The following CCDC102B variants were observed in gnomAD, a reference collection of about 807,000 sequenced individuals.
CCDC102B encodes the protein coiled-coil domain-containing protein 102B.
Under a neutral mutation model 57.4 loss-of-function variants are expected in CCDC102B, and 75 were observed. The ratio of observed to expected loss-of-function variants is 1.31; its 90% CI spans 1.08 to 1.58. The LOEUF (loss-of-function observed/expected upper bound fraction) is 1.58, where lower values mean the gene tolerates loss of function less well. Among genes scored for constraint, CCDC102B ranks in the 40% most tolerant of loss-of-function variants. The pLI, the probability that CCDC102B is intolerant of heterozygous loss-of-function variation, is 0.00. For synonymous variants in CCDC102B, 206 were observed against 201.9 expected, an observed-to-expected ratio of 1.02 and a Z score of -0.17; for missense variants, 636 against 582.6, an observed-to-expected ratio of 1.09 and a Z score of -0.94.
At chr18:68,826,905 A>G (rs1444990383) in intron 1 of CCDC102B, among the ~76,000 whole-genome samples, 1 of 152,188 alleles carries the variant, frequency 6.6e-6, no homozygotes, top group African/African-American at 2.4e-5. Flanking sequence ...TATATGCCAT[A>G]GTATTTACAT....
Position 69,054,846 on chromosome 18 carries a change from T to C in CCDC102B, c.*709T>C, listed in dbSNP as rs1276162058. 3 of 985,190 alleles carry C rather than the reference T, an allele frequency of 3.0e-6. No homozygotes were observed. The highest frequency in any genetic ancestry group is 3.6e-6 in the Non-Finnish European group (3 of 829,898). The allele number at this position is 985,190 out of a possible 1,614,324, so 61.0% of individuals were successfully genotyped here. ...ATGGAAAGGCATCAGCATTGCAAAG[T>C]AGCATCTAGGTAGAAATCAGGCCAA... On this transcript the variant is annotated 3_prime_UTR_variant, in exon 8 of 8. Coordinates refer to ENST00000360242, the MANE Select transcript of CCDC102B (RefSeq NM_024781.3).
intron 6 of CCDC102B, among the ~76,000 whole-genome samples, chr18:68,941,242 A>G (rs781762716): frequency 1.4e-5 from 2 of 137,942 alleles, no homozygotes; most frequent in Non-Finnish European, 3.2e-5. Flanking sequence ...AAAGAAATTT[A>G]TAACTATGGT....
intron 2 of CCDC102B, among the ~76,000 whole-genome samples, chr18:68,726,175 G>A (rs1474528766): frequency 3.9e-5 from 6 of 152,150 alleles, no homozygotes; most frequent in Non-Finnish European, 8.8e-5. Flanking sequence ...TAATTGGTAT[G>A]GATAGAATAA....
intron 6 of CCDC102B, among the ~76,000 whole-genome samples, chr18:68,911,580 G>A (rs890851248): frequency 1.7e-4 from 26 of 149,328 alleles, no homozygotes; most frequent in Admixed American, 3.3e-4. Context: ...GTGAAACCCC[G>A]TCTCTACTAA....
At chr18:68,890,626 T>C (rs1466532735) in intron 5 of CCDC102B, among the ~76,000 whole-genome samples, 1 of 152,216 alleles carries the variant, frequency 6.6e-6, no homozygotes, top group Non-Finnish European at 1.5e-5. Flanking sequence ...AAAGTTCTTA[T>C]GTCCCTTCCT....
intron 7 of CCDC102B, among the ~76,000 whole-genome samples, chr18:69,045,087 C>A (rs2052526777): frequency 6.6e-6 from 1 of 152,066 alleles, no homozygotes; most frequent in Non-Finnish European, 1.5e-5. Flanking sequence ...CCCACTCTTA[C>A]AACTTCATTT....
chr18:69,056,545 C>G (rs1470351408), downstream of CCDC102B, among the ~76,000 whole-genome samples: 1 of 151,716 alleles, frequency 6.6e-6, no homozygotes, highest in Non-Finnish European at 1.5e-5. Flanking sequence ...AATAAATGAC[C>G]TTTTTGCCTT....
chr18:68,896,960 T>C (rs1375735992), intron 5 of CCDC102B, among the ~76,000 whole-genome samples: 2 of 152,118 alleles, frequency 1.3e-5, no homozygotes, highest in Non-Finnish European at 2.9e-5. Flanking sequence ...ACTTGACACA[T>C]ATATTTGAAA....
At chr18:68,838,444 G>A (rs1167788900) in intron 2 of CCDC102B, 18 of 985,054 alleles carry the variant, frequency 1.8e-5, no homozygotes, top group South Asian at 4.7e-5. Context: ...TTTTAGCTGC[G>A]ATTAGAAAAA....
At chr18:68,820,612 C>G (rs2036655416) in intron 1 of CCDC102B, among the ~76,000 whole-genome samples, 1 of 152,026 alleles carries the variant, frequency 6.6e-6, no homozygotes, top group Non-Finnish European at 1.5e-5. Flanking sequence ...TCATCTCTTC[C>G]TGTTAAGAAA....
intron 6 of CCDC102B, among the ~76,000 whole-genome samples, chr18:68,943,127 T>C (rs987053269): frequency 2.7e-5 from 4 of 146,950 alleles, no homozygotes; most frequent in Admixed American, 6.9e-5. Flanking sequence ...AGATTAACAG[T>C]ATCTCAAGGC....
chr18:68,847,290 A>G (rs2037914858), intron 4 of CCDC102B, among the ~76,000 whole-genome samples: 1 of 151,806 alleles, frequency 6.6e-6, no homozygotes, highest in African/African-American at 2.4e-5. Context: ...ATTGATGTAT[A>G]GTGGAAAAAT....
chr18:68,939,683 G>A lies in CCDC102B; in HGVS notation c.1263+42255G>A, dbSNP rs374294380. On this transcript the variant is annotated intron_variant, in intron 6 of 7. Transcript: ENST00000360242. ...GTCGCAGAAGGTTGCAATAGATTAT[G>A]CCACAAGCAATTTTTTTCATTGTAT... is the stretch of plus-strand genomic sequence containing the variant. 1.1e-4 allele frequency among the ~76,000 whole-genome samples: 16 copies of A among 151,742 alleles called. 1 individual carries two copies. In the East Asian group the frequency reaches 1.5e-3, roughly 15 times the overall value.
At chr18:69,040,433 TGA>T (rs1555676440) in intron 7 of CCDC102B, among the ~76,000 whole-genome samples, 1 of 140,216 alleles carries the variant, frequency 7.1e-6, no homozygotes, top group Non-Finnish European at 1.6e-5. Flanking sequence ...TGTGTGTGTG[TGA>T]GATGGCTTCC....
At chr18:68,942,836 T>G (rs12957827) in intron 6 of CCDC102B, among the ~76,000 whole-genome samples, 80,260 of 141,604 alleles carry the variant, frequency 0.57, 24,541 homozygotes, top group Non-Finnish European at 0.67. Flanking sequence ...CGGGCTGGGG[T>G]ACGGTCAGGT....
At chr18:68,864,530 TCCTG>T (rs2144893072) in intron 4 of CCDC102B, among the ~76,000 whole-genome samples, 1 of 152,196 alleles carries the variant, frequency 6.6e-6, no homozygotes, top group South Asian at 2.1e-4. Context: ...TTCTTGGTTT[TCCTG>T]CATCATATTA....
intron 6 of CCDC102B, among the ~76,000 whole-genome samples, chr18:68,942,777 G>C (rs1479108872): frequency 1.3e-5 from 2 of 151,692 alleles, no homozygotes; most frequent in Admixed American, 6.6e-5. Flanking sequence ...ACTGCAAAGA[G>C]GCCTTCCTCT....
intron 1 of CCDC102B, among the ~76,000 whole-genome samples, chr18:68,805,278 GA>G (rs2035993709): frequency 6.6e-6 from 1 of 152,180 alleles, no homozygotes; most frequent in African/African-American, 2.4e-5. Flanking sequence ...TTTAATCAGG[GA>G]AAAATATTAA....
Position 68,985,412 on chromosome 18 carries a change from G to T in CCDC102B, c.1264-25522G>T, listed in dbSNP as rs568805732. ...AAACGTACACTCTGTATTTGTCAGT[G>T]TCCATCTGGTAAATAGAAATACTCT... is the stretch of plus-strand genomic sequence containing the variant. On this transcript the variant is annotated intron_variant, in intron 6 of 7. Coordinates refer to ENST00000360242, the MANE Select transcript of CCDC102B (RefSeq NM_024781.3). Among the ~76,000 whole-genome samples, 6 of 152,238 alleles carry T rather than the reference G, an allele frequency of 3.9e-5. No homozygotes were observed. In the South Asian group the frequency reaches 1.0e-3, roughly 26 times the overall value.
Sources: allele counts gnomAD v4.1 joint callset (sites outside exome capture counted in the v4.1 genomes callset), GRCh38; gene constraint gnomAD v4.1.1; transcripts MANE v1.5; gene names NCBI Gene and HGNC (gene_info 2026-07-23, HGNC 2026-07-21).